ROBO2: variants seen among roughly 807,000 people sequenced by gnomAD.
ROBO2 encodes roundabout homolog 2.
In ROBO2, 53 loss-of-function variants were observed where a neutral mutation model predicts 160.8. That is an observed-to-expected ratio of 0.33 (90% CI 0.26 to 0.41). The LOEUF is 0.41. ROBO2 is among the 10% of genes least tolerant of loss of function. The pLI is 1.00. For synonymous variants in ROBO2, 664 were observed against 611.7 expected, an observed-to-expected ratio of 1.09 and a Z score of -1.26; for missense variants, 1,577 against 1,722.4, an observed-to-expected ratio of 0.92 and a Z score of 1.49.
At chr3:77,462,691 C>G (rs886160643) in intron 2 of ROBO2, among the ~76,000 whole-genome samples, 1 of 152,130 alleles carries the variant, frequency 6.6e-6, no homozygotes, top group South Asian at 2.1e-4. Context: ...GTAGTTAATA[C>G]ATTTACAGGG....
chr3:77,169,161 T>C (rs1310895649), intron 2 of ROBO2, among the ~76,000 whole-genome samples: 1 of 152,222 alleles, frequency 6.6e-6, no homozygotes, highest in Non-Finnish European at 1.5e-5. Flanking sequence ...TATGTGTCCG[T>C]GTTCTTATTT....
At chr3:76,399,174 A>G (rs915164869) in intron 2 of ROBO2, among the ~76,000 whole-genome samples, 24 of 151,702 alleles carry the variant, frequency 1.6e-4, no homozygotes, top group Admixed American at 6.6e-5. Context: ...AATTTTTTAT[A>G]TTGTTGAATT....
intron 2 of ROBO2, among the ~76,000 whole-genome samples, chr3:76,834,187 C>CTCTTTCTT (rs1307644698): frequency 8.9e-6 from 1 of 111,786 alleles, no homozygotes; most frequent in African/African-American, 3.3e-5. Flanking sequence ...CTCTCTCTCT[C>CTCTTTCTT]TCTTTCTTTC....
At chr3:77,537,890 C>G (rs932278123) in intron 6 of ROBO2, among the ~76,000 whole-genome samples, 1 of 151,988 alleles carries the variant, frequency 6.6e-6, no homozygotes, top group Non-Finnish European at 1.5e-5. Flanking sequence ...GACCCTGCCC[C>G]GTGATTCAAT....
intron 2 of ROBO2, among the ~76,000 whole-genome samples, chr3:76,038,911 T>C (rs1350141630): frequency 1.3e-5 from 2 of 151,984 alleles, no homozygotes; most frequent in Admixed American, 6.5e-5. Context: ...TTTGTTTCAG[T>C]AGTGAATGCA....
chr3:77,258,727 A>G (rs1310361817), intron 2 of ROBO2, among the ~76,000 whole-genome samples: 1 of 152,180 alleles, frequency 6.6e-6, no homozygotes, highest in Non-Finnish European at 1.5e-5. Context: ...TCATCTTCAA[A>G]GTCTAGCATC....
At chr3:77,470,957 T>C (rs1195356605) in intron 2 of ROBO2, among the ~76,000 whole-genome samples, 1 of 152,196 alleles carries the variant, frequency 6.6e-6, no homozygotes, top group East Asian at 1.9e-4. Context: ...TCAACTGCTG[T>C]TGGCCGTACC....
At chr3:77,076,075 A>T (rs1171938668) in intron 1 of ROBO2, among the ~76,000 whole-genome samples, 1 of 152,192 alleles carries the variant, frequency 6.6e-6, no homozygotes, top group Non-Finnish European at 1.5e-5. Flanking sequence ...AAAAGAAAAA[A>T]AAAGGAAAAA....
At chr3:76,560,218 C>G (rs2084079702) in intron 2 of ROBO2, among the ~76,000 whole-genome samples, 1 of 152,080 alleles carries the variant, frequency 6.6e-6, no homozygotes, top group South Asian at 2.1e-4. Flanking sequence ...AATGCATGAT[C>G]TAAATTACCA....
At chr3:76,013,713 A>C in intron 2 of ROBO2, among the ~76,000 whole-genome samples, 1 of 115,120 alleles carries the variant, frequency 8.7e-6, no homozygotes, top group African/African-American at 3.4e-5. Context: ...TGGCTTATGC[A>C]TGTAATCCCA....
chr3:76,568,873 A>T (rs552394635), intron 2 of ROBO2, among the ~76,000 whole-genome samples: 1 of 152,286 alleles, frequency 6.6e-6, no homozygotes, highest in South Asian at 2.1e-4. Flanking sequence ...CTACTAAATG[A>T]TGTAAATATA....
intron 2 of ROBO2, among the ~76,000 whole-genome samples, chr3:76,396,373 A>G (rs1218560033): frequency 6.6e-6 from 1 of 152,150 alleles, no homozygotes; most frequent in East Asian, 1.9e-4. Context: ...ATCATACTGA[A>G]TGGGCAAAAA....
chr3:75,978,971 A>G (rs561315548), intron 2 of ROBO2, among the ~76,000 whole-genome samples: 67 of 151,430 alleles, frequency 4.4e-4, no homozygotes, highest in Non-Finnish European at 8.0e-4. Context: ...AGTATTCTAA[A>G]GAATGAGAAA....
intron 2 of ROBO2, among the ~76,000 whole-genome samples, chr3:76,781,275 T>C (rs1379378839): frequency 1.3e-5 from 2 of 150,746 alleles, no homozygotes; most frequent in East Asian, 3.9e-4. Flanking sequence ...ATCCCAAAAC[T>C]TCACAAAATT....
Position 76,753,735 on chromosome 3 carries a change from A to T in ROBO2, c.110-344279A>T, listed in dbSNP as rs189897950. 2.0e-3 allele frequency among the ~76,000 whole-genome samples: 310 copies of T among 152,006 alleles called. 7 individuals carry two copies. The East Asian group carries it at 0.054, about 27-fold the overall frequency. ...CAATATTTTCTGTTCTAATATTTTA[A>T]CTTTTTTCATTAAAATTTCCCCTGT... is the stretch of plus-strand genomic sequence containing the variant. On this transcript the variant is annotated intron_variant, in intron 2 of 26. Coordinates refer to the ROBO2 transcript ENST00000487694.
At chr3:76,097,953 A>C (rs2108141609) in intron 2 of ROBO2, among the ~76,000 whole-genome samples, 1 of 152,306 alleles carries the variant, frequency 6.6e-6, no homozygotes, top group Admixed American at 6.5e-5. Flanking sequence ...CACAAGATCA[A>C]AGCAACTCTT....
In ROBO2 at chr3:76,082,277, TA is replaced by T. The variant is rs2068861619; in HGVS notation, c.109+144677del. 3.3e-5 allele frequency among the ~76,000 whole-genome samples: 5 copies of T among 152,228 alleles called. No homozygotes were observed. The South Asian group carries it at 1.0e-3, about 32-fold the overall frequency. ...GAAAGTGACATTTAAGATGAGTCCT[TA>T]AGGGTTTAGCAGAAAGTTAATGGAT... On this transcript the variant is annotated intron_variant, in intron 2 of 26. Transcript: ENST00000487694.
intron 2 of ROBO2, among the ~76,000 whole-genome samples, chr3:76,205,293 A>C (rs988251767): frequency 2.0e-5 from 3 of 152,118 alleles, no homozygotes; most frequent in African/African-American, 7.2e-5. Flanking sequence ...TTTAATTTCA[A>C]ATAAGAGGAG....
At chr3:75,998,072 A>G (rs1056145036) in intron 2 of ROBO2, among the ~76,000 whole-genome samples, 4 of 152,224 alleles carry the variant, frequency 2.6e-5, no homozygotes, top group Non-Finnish European at 5.9e-5. Flanking sequence ...TCTTTAGATT[A>G]TATTTATCAA....
Sources: allele counts gnomAD v4.1 joint callset (sites outside exome capture counted in the v4.1 genomes callset), GRCh38; gene constraint gnomAD v4.1.1; transcripts MANE v1.5; gene names NCBI Gene and HGNC (gene_info 2026-07-23, HGNC 2026-07-21).